Variants in MYO10 observed in about 807,000 individuals in gnomAD.
MYO10 encodes the protein myosin X.
MYO10 carries 133 observed loss-of-function variants against 257.3 expected under a neutral mutation model. The observed-to-expected ratio is 0.52, with a 90% CI of 0.45 to 0.60. MYO10 has a LOEUF of 0.60. MYO10 is among the 20% of genes least tolerant of loss of function. The pLI, the probability that MYO10 is intolerant of heterozygous loss-of-function variation, is 0.00. For missense variants in MYO10, 2,399 were observed against 2,635.7 expected (o/e 0.91, Z 1.97); for synonymous variants, 1,104 against 1,028.6 (o/e 1.07, Z -1.40).
intron 30 of MYO10, 73 bp from the exon 31 acceptor site, chr5:16,682,086 C>A: frequency 6.5e-7 from 1 of 1,528,666 alleles, no homozygotes; most frequent in South Asian, 1.2e-5. Flanking sequence ...TGAACCGAGA[C>A]TCAGTGCCTT....
chr5:16,798,281 A>T lies in MYO10; in HGVS notation c.280-3448T>A, dbSNP rs540028072. Among the ~76,000 whole-genome samples, 6 of 152,306 alleles carry T rather than the reference A, an allele frequency of 3.9e-5. No homozygotes were observed. The East Asian group carries it at 1.2e-3, about 29-fold the overall frequency. ...GAGTTGTTGGTTGTACAGCATTGTG[A>T]ATGTACTAAATGCCACTGAGTTGTA... On this transcript the variant is annotated intron_variant, in intron 3 of 40. Coordinates refer to ENST00000513610, the MANE Select transcript of MYO10 (RefSeq NM_012334.3).
chr5:16,751,982 A>C (rs1370193747), intron 19 of MYO10, among the ~76,000 whole-genome samples: 1 of 152,234 alleles, frequency 6.6e-6, no homozygotes, highest in Non-Finnish European at 1.5e-5. Flanking sequence ...GCATGGAAAA[A>C]TAAGGTCGGT....
chr5:16,694,193 G>C (rs551273295), intron 27 of MYO10, among the ~76,000 whole-genome samples, 178 bp downstream of exon 27: 1 of 152,314 alleles, frequency 6.6e-6, no homozygotes, highest in East Asian at 1.9e-4. Flanking sequence ...AAAAAGCAAA[G>C]TACTCATGGA....
intron 2 of MYO10, 119 bp downstream of exon 2, chr5:16,877,489 CA>C (rs1744634448): frequency 1.4e-6 from 1 of 701,590 alleles, no homozygotes; most frequent in East Asian, 2.7e-5. Context: ...TTTGAATTAT[CA>C]CTTAGGAAAA....
intron 22 of MYO10, 124 bp downstream of exon 22, chr5:16,704,455 T>C (rs976571241): frequency 1.3e-6 from 1 of 743,126 alleles, no homozygotes; most frequent in South Asian, 1.9e-5. Flanking sequence ...AGTGGCTGCT[T>C]AGGAGGCCTG....
Position 16,701,521 on chromosome 5 carries a change from C to T in MYO10, c.2874G>A (p.Glu958=), listed in dbSNP as rs750084756. The T allele has an allele frequency of 1.9e-6, 3 of 1,614,000 alleles. No individual in the cohort carries two copies. The highest frequency in any genetic ancestry group is 1.3e-5 in the African/African-American group (1 of 75,060). The change falls in exon 25 of 41, where the codon GAG becomes GAA. Residue 958 remains glutamate, a synonymous_variant. Transcript: ENST00000513610. This position sits in a 1 kb window ranked among gnomAD's most constrained non-coding sequence, Gnocchi z 8.1. ...DEIDECVRNI[E]RSLSVGSEFS... ...ATTCGCTTCCCACCGACAGGGACCG[C>T]TCGATATTCCGGACACACTCGTCGA... is the stretch of plus-strand genomic sequence containing the variant.
At chr5:16,697,799 A>C (rs200330185) in intron 26 of MYO10, among the ~76,000 whole-genome samples, 1 of 138,894 alleles carries the variant, frequency 7.2e-6, no homozygotes, top group Non-Finnish European at 1.6e-5. Context: ...AAAAAGGAAG[A>C]AGACAAATTT....
intron 4 of MYO10, among the ~76,000 whole-genome samples, chr5:16,791,839 T>C (rs1286525175): frequency 6.6e-6 from 1 of 152,216 alleles, no homozygotes; most frequent in Non-Finnish European, 1.5e-5. Context: ...TGAAGTCATT[T>C]AGAAGAGCCC....
At chr5:16,840,331 G>C (rs1477767252) in intron 2 of MYO10, among the ~76,000 whole-genome samples, 2 of 152,148 alleles carry the variant, frequency 1.3e-5, no homozygotes, top group African/African-American at 4.8e-5. Context: ...AGAATCGTTT[G>C]AACCTGGGAG....
chr5:16,832,527 T>C (rs960512907), intron 2 of MYO10, among the ~76,000 whole-genome samples: 5 of 152,176 alleles, frequency 3.3e-5, no homozygotes, highest in African/African-American at 7.2e-5. Flanking sequence ...AGTTTCAGTC[T>C]AGAGAAATTC....
intron 2 of MYO10, among the ~76,000 whole-genome samples, chr5:16,823,446 C>CGGGGG (rs1171973848): frequency 0.031 from 131 of 4,178 alleles, 41 homozygotes; most frequent in East Asian, 0.037. Context: ...CTCCATCTTG[C>CGGGGG]GCGGGGGGGG....
In MYO10 at chr5:16,668,261, T is replaced by C. The variant is rs141707168; in HGVS notation, c.6075+16A>G. ...CAAGACCATGAATAAAAAGATGAAC[T>C]TGCTTTGCCTCTTACCTCACTGGTT... On this transcript the variant is annotated intron_variant, in intron 40 of 40. Transcript: ENST00000513610. 12,198 of 1,586,540 alleles carry C rather than the reference T, an allele frequency of 7.7e-3. 66 individuals carry two copies. Among genetic ancestry groups the C allele is most frequent in the Non-Finnish European group, 9.4e-3 (10,982 of 1,166,972 alleles).
chr5:16,855,853 T>C (rs148988717), intron 2 of MYO10, among the ~76,000 whole-genome samples: 62 of 152,238 alleles, frequency 4.1e-4, no homozygotes, highest in Middle Eastern at 6.8e-3. Context: ...CAGCAGATCA[T>C]TCCAGGAGAC....
chr5:16,843,699 C>T (rs1326039797), intron 2 of MYO10, among the ~76,000 whole-genome samples: 1 of 152,072 alleles, frequency 6.6e-6, no homozygotes, highest in Non-Finnish European at 1.5e-5. Context: ...TTTTAAATGG[C>T]ATTAAGTATT....
chr5:16,673,555 T>C (rs27880), intron 36 of MYO10, 127 bp downstream of exon 36: 361,779 of 897,814 alleles, frequency 0.4, 77,494 homozygotes, highest in African/African-American at 0.73. Flanking sequence ...TTCCTTAGTA[T>C]TGAGAGCTGT....
At chr5:16,762,008 C>T in intron 16 of MYO10, 37 bp downstream of exon 16, 1 of 1,438,004 alleles carries the variant, frequency 7.0e-7, no homozygotes, top group Non-Finnish European at 9.2e-7. Context: ...GAATACCAAA[C>T]AGGCAAATAT....
intron 29 of MYO10, among the ~76,000 whole-genome samples, chr5:16,685,109 G>A (rs1458180618): frequency 6.6e-6 from 1 of 152,050 alleles, no homozygotes; most frequent in Non-Finnish European, 1.5e-5. Flanking sequence ...AGTGTGATGT[G>A]TACTTCCGTG....
chr5:16,773,157 A>C (rs1741104644), intron 9 of MYO10, among the ~76,000 whole-genome samples: 1 of 152,250 alleles, frequency 6.6e-6, no homozygotes, highest in Non-Finnish European at 1.5e-5. Flanking sequence ...TACAAACAGA[A>C]ACAAAGAATA....
At chr5:16,781,511 G>A (rs1741423156) in intron 6 of MYO10, among the ~76,000 whole-genome samples, 194 bp downstream of exon 6, 1 of 152,076 alleles carries the variant, frequency 6.6e-6, no homozygotes, top group African/African-American at 2.4e-5. Context: ...TGTAACTATA[G>A]GCACATGTAC....
Sources: gnomAD v4.1 joint callset for allele counts (sites outside exome capture counted in the v4.1 genomes callset) on GRCh38, gnomAD v4.1.1 for gene constraint, Gnocchi (gnomAD v3.1) non-coding constraint, MANE v1.5 for transcripts, NCBI Gene and HGNC (gene_info 2026-07-23, HGNC 2026-07-21) for gene names.